Variants in SPC24 observed in about 807,000 individuals in gnomAD.
SPC24 encodes SPC24 component of NDC80 kinetochore complex.
In SPC24, 31 loss-of-function variants were observed where a neutral mutation model predicts 27.6. The ratio of observed to expected loss-of-function variants is 1.12; its 90% CI spans 0.84 to 1.52. SPC24 has a LOEUF of 1.52. SPC24 is among the 40% of genes most tolerant of loss of function. SPC24 has a pLI of 0.00. For missense variants in SPC24, 284 were observed against 252.5 expected (o/e 1.12, Z -0.84); for synonymous variants, 105 against 105.8 (o/e 0.99, Z 0.05).
Position 11,146,623 on chromosome 19 carries a change from C to CAG in SPC24, c.*559_*560insCT, listed in dbSNP as rs2077826491. The CAG allele has an allele frequency of 6.6e-6, 1 of 150,962 alleles. No individual in the cohort carries two copies. The highest frequency in any genetic ancestry group is 2.4e-5 in the African/African-American group (1 of 40,976). 9.4% of individuals were successfully genotyped at this position (150,962 alleles called of 1,614,324 possible). A position where few individuals can be genotyped will look rare whatever the true frequency, so the allele number is the denominator to read the frequency against. ...TACTAAAAATACAAAAAATTAGCTG[C>CAG]GCATGGTGGCAGGTGCCTGTAGTCC... On this transcript the variant is annotated 3_prime_UTR_variant, in exon 5 of 5. Coordinates refer to ENST00000592540, the MANE Select transcript of SPC24 (RefSeq NM_182513.4).
In SPC24 at chr19:11,146,693, A is replaced by ACT; in HGVS notation, c.*489_*490insAG. 1 of 146,920 alleles carries ACT rather than the reference A, an allele frequency of 6.8e-6. No homozygotes were observed. The highest frequency in any genetic ancestry group is 7.0e-5 in the Admixed American group (1 of 14,310). The allele number at this position is 146,920 out of a possible 1,614,324, so 9.1% of individuals were successfully genotyped here. A position where few individuals can be genotyped will look rare whatever the true frequency, so the allele number is the denominator to read the frequency against. On this transcript the variant is annotated 3_prime_UTR_variant, in exon 5 of 5. Transcript: ENST00000592540. ...GGCAGGAGAATGGCGTGAACCCGGGAGGAGGCGGAGCTTGCAGTGAGCTGA... is the reference window on the plus strand; with the variant it reads ...GGCAGGAGAATGGCGTGAACCCGGGACTGGAGGCGGAGCTTGCAGTGAGCTGA...
chr19:11,151,943 GAC>G (rs1015420721), intron 1 of SPC24, among the ~76,000 whole-genome samples: 1 of 140,004 alleles, frequency 7.1e-6, no homozygotes, highest in African/African-American at 2.7e-5. Context: ...TTATTTTTGA[GAC>G]AGTCTTGCTC....
At chr19:11,149,957 G>A (rs1015619617) in intron 1 of SPC24, among the ~76,000 whole-genome samples, 4 of 151,296 alleles carry the variant, frequency 2.6e-5, no homozygotes, top group Non-Finnish European at 2.9e-5. Flanking sequence ...TGATCCACCC[G>A]CCTCAGCTTC....
chr19:11,147,587 C>T, intron 4 of SPC24: 1 of 581,460 alleles, frequency 1.7e-6, no homozygotes, highest in Non-Finnish European at 3.1e-6. Context: ...AGGTACCACA[C>T]TTGGCCTGCT....
At chr19:11,153,211 C>CGGGGCAGGTGGATCACG (rs1410822279) in intron 1 of SPC24, among the ~76,000 whole-genome samples, 1 of 150,862 alleles carries the variant, frequency 6.6e-6, no homozygotes, top group Non-Finnish European at 1.5e-5. Flanking sequence ...TTTGGGAGGT[C>CGGGGCAGGTGGATCACG]GGGGCAGGTG....
Position 11,155,672 on chromosome 19 carries a change from C to T in SPC24, c.105G>A (p.Glu35=), listed in dbSNP as rs746628561. 1 of 1,559,056 alleles carries T rather than the reference C, an allele frequency of 6.4e-7. No homozygotes were observed. The highest frequency in any genetic ancestry group is 8.6e-7 in the Non-Finnish European group (1 of 1,159,320). Residue 35 remains glutamate (E), a synonymous_variant, in exon 1 of 5, where the codon GAG becomes GAA. Transcript: ENST00000592540. The stretch of plus-strand genomic sequence containing the variant: ...TTTCCAGCAGCCGCTCCACCACCTG[C>T]TCGTGGCGCCCCAGCAGCCGTCGCT... ...AQQRRLLGRH[E]QVVERLLETQ...
intron 4 of SPC24, 114 bp from the exon 5 acceptor site, chr19:11,147,403 C>T: frequency 7.2e-6 from 5 of 690,848 alleles, no homozygotes; most frequent in South Asian, 3.8e-5. Context: ...TTCTGTAGGC[C>T]AGGCTGGAGT....
At chr19:11,147,344 C>G in intron 4 of SPC24, 55 bp from the exon 5 acceptor site, 1 of 1,240,596 alleles carries the variant, frequency 8.1e-7, no homozygotes, top group Non-Finnish European at 1.1e-6. Context: ...CACAACCCCA[C>G]GGGGAAAAGG....
At chr19:11,154,182 T>A (rs951483061) in intron 1 of SPC24, among the ~76,000 whole-genome samples, 3 of 152,134 alleles carry the variant, frequency 2.0e-5, no homozygotes, top group Non-Finnish European at 2.9e-5. Flanking sequence ...CATGGATGGA[T>A]GAATGAATAA....
Position 11,150,440 on chromosome 19 carries a change from C to G in SPC24, c.161-1202G>C, listed in dbSNP as rs370960859. On this transcript the variant is annotated intron_variant, in intron 1 of 4. Coordinates refer to ENST00000592540, the MANE Select transcript of SPC24 (RefSeq NM_182513.4). Reference sequence around the variant, plus strand: ...GGCGGAGGTTGCGGTGAGCCGACATCGCGCCATTGCACTCCAGTCTGGGCG... The same window carrying G: ...GGCGGAGGTTGCGGTGAGCCGACATGGCGCCATTGCACTCCAGTCTGGGCG... Among the ~76,000 whole-genome samples, 30 of 151,530 alleles carry G rather than the reference C, an allele frequency of 2.0e-4. No homozygotes were observed. In the East Asian group the frequency reaches 5.3e-3, roughly 27 times the overall value.
intron 1 of SPC24, among the ~76,000 whole-genome samples, chr19:11,151,970 GA>G (rs1443148156): frequency 6.6e-6 from 1 of 151,004 alleles, no homozygotes; most frequent in Non-Finnish European, 1.5e-5. Flanking sequence ...GCCCAGGCTG[GA>G]GTGCAGTGGC....
intron 1 of SPC24, among the ~76,000 whole-genome samples, chr19:11,154,403 G>A (rs772066735): frequency 7.2e-5 from 11 of 152,156 alleles, no homozygotes; most frequent in Non-Finnish European, 1.5e-4. Flanking sequence ...GCTGGGCATG[G>A]TGGCGCATAA....
rs2077822079 is a variant in SPC24, at chr19:11,146,246, A to G, written c.*937T>C. Reference sequence around the variant, plus strand: ...ATCTTGTCTCTCTGGTGCCTAGCAGAGTCTGGGCACACCGTGGCACTCAAA... The same window carrying G: ...ATCTTGTCTCTCTGGTGCCTAGCAGGGTCTGGGCACACCGTGGCACTCAAA... On this transcript the variant is annotated 3_prime_UTR_variant, in exon 5 of 5. Transcript: ENST00000592540. 6.6e-6 allele frequency: 1 copy of G among 151,702 alleles called. No homozygotes were observed. Among genetic ancestry groups the G allele is most frequent in the South Asian group, 2.1e-4 (1 of 4,808 alleles). The allele number at this position is 151,702 out of a possible 1,614,324, so 9.4% of individuals were successfully genotyped here. A position where few individuals can be genotyped will look rare whatever the true frequency, so the allele number is the denominator to read the frequency against.
chr19:11,152,228 T>C (rs2077878218), intron 1 of SPC24, among the ~76,000 whole-genome samples: 1 of 151,318 alleles, frequency 6.6e-6, no homozygotes, highest in Non-Finnish European at 1.5e-5. Flanking sequence ...GCCTATTTTT[T>C]TGAGACAGTC....
chr19:11,151,162 C>CAAAAAAAAAAAAAAAAAAAA (rs397859905), intron 1 of SPC24, among the ~76,000 whole-genome samples: 1 of 88,802 alleles, frequency 1.1e-5, no homozygotes, highest in Non-Finnish European at 2.1e-5. Context: ...GACTCCGTCT[C>CAAAAAAAAAAAAAAAAAAAA]AAAAAAAAAA....
rs763755898 is a variant in SPC24, at chr19:11,155,756, T to C, written c.21A>G (p.Ile7Met). The C allele has an allele frequency of 1.9e-5, 30 of 1,551,794 alleles. No individual in the cohort carries two copies. In the African/African-American group the frequency reaches 3.5e-4, roughly 18 times the overall value. ...TGAGCAGCCCCTGGCTCACCTCCTC[T>C]ATGTCGCGGAAGGCGGCCATGACTA... MAAFRD[I>M]EEVSQGLLSL... The change falls in exon 1 of 5, where the codon ATA (isoleucine) becomes ATG (methionine). Residue 7 changes from isoleucine to methionine, a missense_variant. Coordinates refer to ENST00000592540, the MANE Select transcript of SPC24 (RefSeq NM_182513.4).
rs1453196112 is a variant in SPC24, at chr19:11,146,259, C to G, written c.*924G>C. On this transcript the variant is annotated 3_prime_UTR_variant, in exon 5 of 5. Transcript: ENST00000592540. ...GGTGCCTAGCAGAGTCTGGGCACAC[C>G]GTGGCACTCAAACATACCCCCTGAA... 1 of 151,444 alleles carries G rather than the reference C, an allele frequency of 6.6e-6. No individual in the cohort carries two copies. The highest frequency in any genetic ancestry group is 2.4e-5 in the African/African-American group (1 of 41,210). The allele number at this position is 151,444 out of a possible 1,614,324, so 9.4% of individuals were successfully genotyped here.
chr19:11,147,370 T>G, intron 4 of SPC24, 81 bp from the exon 5 acceptor site: 1 of 976,678 alleles, frequency 1.0e-6, no homozygotes. Flanking sequence ...GCCTTTACTT[T>G]TTTTTTTTGA....
rs993497219 is a variant in SPC24 at position 11,155,555 on chromosome 19, C to T, written c.160+62G>A. On this transcript the variant is annotated intron_variant, in intron 1 of 4. Transcript: ENST00000592540. Reference sequence around the variant, plus strand: ...GAAGGGGTTTTGAGGTGGGCCTGGTCGCCCCCTCCCAGCACCCGGGCCCCT... The same window carrying T: ...GAAGGGGTTTTGAGGTGGGCCTGGTTGCCCCCTCCCAGCACCCGGGCCCCT... 124 of 1,492,478 alleles carry T rather than the reference C, an allele frequency of 8.3e-5. No homozygotes were observed. The African/African-American group carries it at 1.5e-3, about 18-fold the overall frequency. The allele number at this position is 1,492,478 out of a possible 1,614,324, so 92.5% of individuals were successfully genotyped here. A position where few individuals can be genotyped will look rare whatever the true frequency, so the allele number is the denominator to read the frequency against.
Sources: allele counts gnomAD v4.1 joint callset (sites outside exome capture counted in the v4.1 genomes callset), GRCh38; gene constraint gnomAD v4.1.1; transcripts MANE v1.5; gene names NCBI Gene and HGNC (gene_info 2026-07-23, HGNC 2026-07-21).